Variants in ST14 observed in about 807,000 individuals in gnomAD.
ST14 encodes the protein suppressor of tumorigenicity 14 protein.
ST14 carries 40 observed loss-of-function variants against 96.5 expected under a neutral mutation model. That is an observed-to-expected ratio of 0.41 (90% CI 0.32 to 0.54). ST14 has a LOEUF of 0.54. Among genes scored for constraint, ST14 ranks in the 20% least tolerant of loss-of-function variants. The probability of loss-of-function intolerance (pLI) is 0.17; values close to 1 mark genes in which losing one functional copy is unlikely to be tolerated. For synonymous variants in ST14, 506 were observed against 492.1 expected (o/e 1.03, Z -0.37); for missense variants, 1,066 against 1,188.9 (o/e 0.90, Z 1.52).
At chr11:130,199,799 G>T in intron 15 of ST14, 152 bp from the exon 16 acceptor site, 2 of 825,960 alleles carry the variant, frequency 2.4e-6, no homozygotes, top group Admixed American at 2.0e-5. Context: ...ATAGTTTTGG[G>T]GGTCCCTCAC....
Position 130,189,827 on chromosome 11 carries a change from C to T in ST14, c.529C>T (p.Arg177Cys), listed in dbSNP as rs771470168. The T allele has an allele frequency of 2.4e-5, 38 of 1,613,898 alleles. No individual in the cohort carries two copies. Among genetic ancestry groups the T allele is most frequent in the Middle Eastern group, 3.3e-4 (2 of 6,056 alleles). ...GGCCGAGCGCGTCATGGCCGAGGAG[C>T]GCGTAGTCATGCTGCCCCCGCGGGC... Reference protein sequence around the residue: ...EEAERVMAEERVVMLPPRARS... With the variant: ...EEAERVMAEECVVMLPPRARS... Residue 177 changes from arginine to cysteine, a missense_variant, in exon 5 of 19, where the codon CGC becomes TGC. Physicochemically the swap from Arg to Cys is radical, Grantham distance 180 (BLOSUM62 -3). Coordinates refer to ENST00000278742, the MANE Select transcript of ST14 (RefSeq NM_021978.4).
At chr11:130,164,718 C>CTTATTATTATTA (rs57338069) in intron 1 of ST14, among the ~76,000 whole-genome samples, 6,461 of 141,510 alleles carry the variant, frequency 0.046, 420 homozygotes, top group African/African-American at 0.15. Context: ...CACACCCAGC[C>CTTATTATTATTA]TTATTATTAT....
rs1234720420 is a variant in ST14 at position 130,181,825 on chromosome 11, A to G, written c.82-6289A>G. On this transcript the variant is annotated intron_variant, in intron 1 of 18. Coordinates refer to ENST00000278742, the MANE Select transcript of ST14 (RefSeq NM_021978.4). The surrounding 1 kb of genome is among the most constrained non-coding windows in gnomAD (Gnocchi z 4.1). ...ATGGAGCCAAGAGCTAAGGTTATAA[A>G]AGGAAGCAGCCCAGTTACTGATTAG... 6.6e-6 allele frequency among the ~76,000 whole-genome samples: 1 copy of G among 152,244 alleles called. No homozygotes were observed. Among genetic ancestry groups the G allele is most frequent in the Non-Finnish European group, 1.5e-5 (1 of 68,044 alleles).
At chr11:130,172,770 A>G (rs896117095) in intron 1 of ST14, among the ~76,000 whole-genome samples, 1 of 152,072 alleles carries the variant, frequency 6.6e-6, no homozygotes, top group Non-Finnish European at 1.5e-5. Flanking sequence ...CAGACAGTGG[A>G]GGAGTGTGTA....
rs760337264 is a variant in ST14, at chr11:130,190,576, G to A, written c.757G>A (p.Asp253Asn). 1.7e-5 allele frequency: 27 copies of A among 1,612,668 alleles called. No homozygotes were observed. The highest frequency in any genetic ancestry group is 3.3e-5 in the South Asian group (3 of 91,074). ...RCQWALRGDA[D>N]SVLSLTFRSF... Reference sequence around the variant, plus strand: ...CCAGTGGGCCCTGCGGGGGGACGCCGACTCAGTGCTGAGCCTCACCTTCCG... The same window carrying A: ...CCAGTGGGCCCTGCGGGGGGACGCCAACTCAGTGCTGAGCCTCACCTTCCG... The change falls in exon 7 of 19, where the codon GAC becomes AAC. Residue 253 changes from aspartate to asparagine, a missense_variant. Asp to Asn is a conservative substitution (Grantham distance 23). Coordinates refer to ENST00000278742, the MANE Select transcript of ST14 (RefSeq NM_021978.4).
rs970467018 is a variant in ST14 at position 130,197,992 on chromosome 11, C to T, written c.1459+47C>T. 7.9e-6 allele frequency: 12 copies of T among 1,521,216 alleles called. No individual in the cohort carries two copies. The African/African-American group carries it at 1.4e-4, about 17-fold the overall frequency. The allele number at this position is 1,521,216 out of a possible 1,614,324, so 94.2% of individuals were successfully genotyped here. On this transcript the variant is annotated intron_variant, in intron 12 of 18. Transcript: ENST00000278742. ...GGTCTCCCCACCCTCCTTCCCCACC[C>T]TGCCCGCGTCCCATGGCCCTGCTGG...
At chr11:130,177,574 A>G (rs979230363) in intron 1 of ST14, among the ~76,000 whole-genome samples, 1 of 152,106 alleles carries the variant, frequency 6.6e-6, no homozygotes, top group African/African-American at 2.4e-5. Context: ...AAAAACAAAA[A>G]ATTTTTTTGT....
rs142893442 is a variant in ST14, at chr11:130,188,162, G to C, written c.130G>C (p.Val44Leu). The change falls in exon 2 of 19, where the codon GTC becomes CTC. Residue 44 changes from valine (V) to leucine (L), a missense_variant. Physicochemically the swap from Val to Leu is conservative, Grantham distance 32. Transcript: ENST00000278742. The surrounding 1 kb of genome is among the most constrained non-coding windows in gnomAD (Gnocchi z 5.4). Reference protein sequence around the residue: ...EGVEFLPVNNVKKVEKHGPGR... With the variant: ...EGVEFLPVNNLKKVEKHGPGR... The stretch of plus-strand genomic sequence containing the variant: ...CGTGGAGTTCCTGCCAGTCAACAAC[G>C]TCAAGAAGGTGGAAAAGCATGGCCC... 1.9e-5 allele frequency: 31 copies of C among 1,614,088 alleles called. No homozygotes were observed. The highest frequency in any genetic ancestry group is 1.1e-5 in the South Asian group (1 of 91,086).
At chr11:130,175,954 C>T (rs1386113046) in intron 1 of ST14, among the ~76,000 whole-genome samples, 1 of 152,256 alleles carries the variant, frequency 6.6e-6, no homozygotes, top group Non-Finnish European at 1.5e-5. Context: ...TGAGCCACCA[C>T]ATCCAGCCTT....
chr11:130,176,925 A>G (rs1953143863), intron 1 of ST14, among the ~76,000 whole-genome samples: 1 of 148,572 alleles, frequency 6.7e-6, no homozygotes, highest in South Asian at 2.1e-4. Context: ...CAGCCTCCTG[A>G]GTAGCTGGGA....
chr11:130,177,087 C>T (rs1469352670), intron 1 of ST14, among the ~76,000 whole-genome samples: 2 of 151,826 alleles, frequency 1.3e-5, no homozygotes, highest in Non-Finnish European at 2.9e-5. Flanking sequence ...CATGAGCCAC[C>T]GTGCCTGGCG....
At chr11:130,201,035 A>G (rs775709372) in intron 16 of ST14, among the ~76,000 whole-genome samples, 2 of 152,200 alleles carry the variant, frequency 1.3e-5, no homozygotes, top group Admixed American at 1.3e-4. Context: ...TCCCACCCTT[A>G]GAGTTGTGAG....
rs372004348 is a variant in ST14 at position 130,194,761 on chromosome 11, CGT to C, written c.1113+36_1113+37del. ...AGGTAGGAGCTATGGGGCGTGTGAA[CGT>C]GTGTGTGTGTGAGCATGTATGTGCA... On this transcript the variant is annotated intron_variant, in intron 9 of 18. Transcript: ENST00000278742. 1.8e-4 allele frequency: 285 copies of C among 1,568,862 alleles called. 2 individuals carry two copies. The highest frequency in any genetic ancestry group is 2.2e-4 in the Non-Finnish European group (248 of 1,143,620).
chr11:130,165,909 A>G (rs1565616892), intron 1 of ST14, among the ~76,000 whole-genome samples: 1 of 152,232 alleles, frequency 6.6e-6, no homozygotes. Context: ...CCACCATGCC[A>G]TTATAAAATT....
chr11:130,184,239 A>AAT (rs1423865986), intron 1 of ST14, among the ~76,000 whole-genome samples: 1 of 152,190 alleles, frequency 6.6e-6, no homozygotes, highest in Non-Finnish European at 1.5e-5. Flanking sequence ...TGTACACTTA[A>AAT]ATATATACAC....
rs573178122 is a variant in ST14, at chr11:130,188,222, G to A, written c.190G>A (p.Gly64Ser). The A allele has an allele frequency of 6.2e-6, 10 of 1,614,148 alleles. No homozygotes were observed. Among genetic ancestry groups the A allele is most frequent in the African/African-American group, 2.7e-5 (2 of 75,054 alleles). The change falls in exon 2 of 19, where the codon GGC becomes AGC. Residue 64 changes from glycine (G) to serine (S), a missense_variant. Gly to Ser is a moderately conservative substitution (Grantham distance 56). Coordinates refer to ENST00000278742, the MANE Select transcript of ST14 (RefSeq NM_021978.4). The surrounding 1 kb of genome is among the most constrained non-coding windows in gnomAD (Gnocchi z 5.4). ...GGTGGTGCTGGCAGCCGTGCTGATC[G>A]GCCTCCTCTTGGTCTTGCTGGGGAT... Reference protein sequence around the residue: ...RWVVLAAVLIGLLLVLLGIGF... With the variant: ...RWVVLAAVLISLLLVLLGIGF...
At chr11:130,176,640 G>C (rs1013144313) in intron 1 of ST14, among the ~76,000 whole-genome samples, 1 of 151,816 alleles carries the variant, frequency 6.6e-6, no homozygotes, top group East Asian at 1.9e-4. Flanking sequence ...CGCCTGCCTC[G>C]GCCTCCCAAA....
chr11:130,191,628 T>A (rs1953301717), intron 7 of ST14, among the ~76,000 whole-genome samples: 1 of 145,660 alleles, frequency 6.9e-6, no homozygotes, highest in African/African-American at 2.6e-5. Flanking sequence ...AGGCAGAGGT[T>A]GCAGTGAGCC....
intron 7 of ST14, among the ~76,000 whole-genome samples, chr11:130,191,015 G>A (rs1953292703): frequency 6.6e-6 from 1 of 152,202 alleles, no homozygotes; most frequent in Non-Finnish European, 1.5e-5. Flanking sequence ...TATTATTCAG[G>A]GATATGAAGG....
Sources: gnomAD v4.1 joint callset for allele counts (sites outside exome capture counted in the v4.1 genomes callset) on GRCh38, gnomAD v4.1.1 for gene constraint, Gnocchi (gnomAD v3.1) non-coding constraint, MANE v1.5 for transcripts, NCBI Gene and HGNC (gene_info 2026-07-23, HGNC 2026-07-21) for gene names.